The following DMD variants were observed in gnomAD, a reference collection of about 807,000 sequenced individuals.
DMD encodes the protein mutant dystrophin.
In DMD, 63 loss-of-function variants were observed where a neutral mutation model predicts 330.1. The ratio of observed to expected loss-of-function variants is 0.19; its 90% CI spans 0.16 to 0.24. The LOEUF is 0.24. Among genes scored for constraint, DMD ranks in the 10% least tolerant of loss-of-function variants. The pLI is 1.00. For missense variants in DMD, 3,344 were observed against 2,684.1 expected, an observed-to-expected ratio of 1.25 and a Z score of -5.43; for synonymous variants, 1,223 against 959.8, an observed-to-expected ratio of 1.27 and a Z score of -5.07.
chrX:33,296,914 T>G (rs1466294281), intron 1 of DMD, among the ~76,000 whole-genome samples: 1 of 111,523 alleles, frequency 9.0e-6, no homozygotes, highest in Non-Finnish European at 1.9e-5. Flanking sequence ...GAAAATTATT[T>G]TAATGATTTT....
chrX:31,237,724 ATTTTT>A (rs2047868746), intron 63 of DMD, among the ~76,000 whole-genome samples: 1 of 111,132 alleles, frequency 9.0e-6, no homozygotes, highest in Non-Finnish European at 1.9e-5. Context: ...TTTTTATTTT[ATTTTT>A]ATTTTTTTTA....
chrX:31,635,894 C>G (rs1750635569), intron 54 of DMD, among the ~76,000 whole-genome samples: 1 of 111,563 alleles, frequency 9.0e-6, no homozygotes, highest in African/African-American at 3.3e-5. Context: ...ATCAAAACCA[C>G]AAGGAGATAC....
intron 45 of DMD, among the ~76,000 whole-genome samples, chrX:31,950,578 G>A (rs1052514144): frequency 4.5e-5 from 5 of 110,991 alleles, no homozygotes; most frequent in Non-Finnish European, 9.5e-5. Flanking sequence ...GCTATTGAGA[G>A]TAGGGTTTGA....
chrX:32,942,726 T>TATA (rs2090517791), intron 2 of DMD, among the ~76,000 whole-genome samples: 1 of 111,808 alleles, frequency 8.9e-6, no homozygotes, highest in African/African-American at 3.2e-5. Flanking sequence ...ACTGTTTATA[T>TATA]GTTTTCAATT....
intron 1 of DMD, among the ~76,000 whole-genome samples, chrX:33,207,778 CTATT>C (rs1275719991): frequency 9.0e-6 from 1 of 111,578 alleles, no homozygotes; most frequent in Non-Finnish European, 1.9e-5. Flanking sequence ...AGACTACAAA[CTATT>C]TATTTGCTTG....
chrX:31,265,754 G>C (rs1477916704), intron 62 of DMD, among the ~76,000 whole-genome samples: 1 of 76,063 alleles, frequency 1.3e-5, no homozygotes, highest in African/African-American at 5.2e-5. Context: ...AAAAAAGCTA[G>C]GCAAAAAAAG....
At chrX:32,199,780 TTGTGTGTGTGTGTGTGTGTGTGTGTGTG>T (rs35897988) in intron 44 of DMD, among the ~76,000 whole-genome samples, 1,745 of 84,135 alleles carry the variant, frequency 0.021, 45 homozygotes, top group African/African-American at 0.074. Context: ...CGCAAGGCTT[TTGTGTGTGTGTGTGTGTGTGTGTGTGTG>T]TGTGTGTGTG....
intron 2 of DMD, among the ~76,000 whole-genome samples, chrX:32,897,879 T>G (rs1403974179): frequency 9.5e-6 from 1 of 105,705 alleles, no homozygotes; most frequent in African/African-American, 3.4e-5. Flanking sequence ...GTAATGAGAA[T>G]CTCATAGTAT....
intron 21 of DMD, among the ~76,000 whole-genome samples, chrX:32,480,429 ATG>A (rs2041739925): frequency 9.1e-6 from 1 of 110,026 alleles, no homozygotes; most frequent in Non-Finnish European, 1.9e-5. Context: ...TATACACAGT[ATG>A]TGTCTATGTG....
chrX:31,343,793 A>G (rs1322248827), intron 61 of DMD, among the ~76,000 whole-genome samples: 1 of 110,482 alleles, frequency 9.1e-6, no homozygotes, highest in Non-Finnish European at 1.9e-5. Flanking sequence ...TATTTATAGT[A>G]ACCTGAAAGC....
chrX:32,652,662 A>G (rs924339419), intron 9 of DMD, among the ~76,000 whole-genome samples: 1 of 111,016 alleles, frequency 9.0e-6, no homozygotes, highest in Non-Finnish European at 1.9e-5. Flanking sequence ...AGTAATGGGT[A>G]TATTACTGTA....
chrX:32,974,889 T>C (rs1436686288), intron 2 of DMD, among the ~76,000 whole-genome samples: 1 of 112,080 alleles, frequency 8.9e-6, no homozygotes, highest in Non-Finnish European at 1.9e-5. Context: ...AGTTTACTTT[T>C]GGCAAAATGG....
intron 55 of DMD, among the ~76,000 whole-genome samples, chrX:31,574,422 T>C (rs868560951): frequency 9.0e-6 from 1 of 110,971 alleles, no homozygotes; most frequent in Middle Eastern, 4.7e-3. Flanking sequence ...GGATTACAGG[T>C]GTGAGCCACT....
rs1234283326 is a variant in DMD at position 31,951,167 on chromosome X, AT to A, written c.6614+17171del. On this transcript the variant is annotated intron_variant, in intron 45 of 78. Coordinates refer to ENST00000357033, the MANE Select transcript of DMD (RefSeq NM_004006.3). ...TGTATATATATATATATGTATATATATATATATGTATATATATATATCTTAA... is the reference window on the plus strand; with the variant it reads ...TGTATATATATATATATGTATATATAATATATGTATATATATATATCTTAA... Among the ~76,000 whole-genome samples the A allele has an allele frequency of 5.4e-5, 5 of 93,305 alleles. No individual in the cohort carries two copies. The East Asian group carries it at 1.5e-3, about 29-fold the overall frequency. The allele number at this position is 93,305 out of a possible 115,157, so 81.0% of individuals were successfully genotyped here. A position where few individuals can be genotyped will look rare whatever the true frequency, so the allele number is the denominator to read the frequency against.
chrX:31,298,432 T>TAC (rs1470777658), intron 62 of DMD, among the ~76,000 whole-genome samples: 1 of 82,237 alleles, frequency 1.2e-5, no homozygotes, highest in Non-Finnish European at 2.4e-5. Context: ...CACACACACA[T>TAC]ACACACACAC....
chrX:32,667,065 G>A (rs1013538268), intron 9 of DMD, among the ~76,000 whole-genome samples: 1 of 109,131 alleles, frequency 9.2e-6, no homozygotes, highest in African/African-American at 3.5e-5. Flanking sequence ...TGGCATATAT[G>A]CAATTGAATA....
intron 20 of DMD, among the ~76,000 whole-genome samples, chrX:32,489,326 T>A (rs767967030): frequency 2.8e-5 from 3 of 108,114 alleles, no homozygotes; most frequent in African/African-American, 1.0e-4. Flanking sequence ...TATGACGTCA[T>A]CAGGGTTGGG....
chrX:33,240,833 T>C (rs920078501), intron 1 of DMD, among the ~76,000 whole-genome samples: 8 of 112,083 alleles, frequency 7.1e-5, no homozygotes, highest in African/African-American at 2.6e-4. Context: ...TGTTTTCGTA[T>C]TCCTGTTGGC....
chrX:31,868,982 C>T (rs1361966212), intron 48 of DMD, among the ~76,000 whole-genome samples: 3 of 109,017 alleles, frequency 2.8e-5, no homozygotes, highest in East Asian at 2.9e-4. Context: ...TAAACCTATG[C>T]GTTACCTCCA....
Sources: allele counts gnomAD v4.1 joint callset (sites outside exome capture counted in the v4.1 genomes callset), GRCh38; gene constraint gnomAD v4.1.1; transcripts MANE v1.5; gene names NCBI Gene and HGNC (gene_info 2026-07-23, HGNC 2026-07-21).